The following CDADC1 variants were observed in gnomAD, a reference collection of about 807,000 sequenced individuals.
The protein encoded by CDADC1 is dCTP deaminase.
In CDADC1, 39 loss-of-function variants were observed where a neutral mutation model predicts 54.9. That is an observed-to-expected ratio of 0.71 (90% CI 0.55 to 0.93). The LOEUF is 0.93. Among genes scored for constraint, CDADC1 ranks in the 40% least tolerant of loss-of-function variants. The pLI, the probability that CDADC1 is intolerant of heterozygous loss-of-function variation, is 0.00. For missense variants in CDADC1, 518 were observed against 618.8 expected (o/e 0.84, Z 1.73); for synonymous variants, 186 against 204.0 (o/e 0.91, Z 0.75).
chr13:49,255,106 C>T (rs533539131), intron 2 of CDADC1, among the ~76,000 whole-genome samples: 1 of 152,188 alleles, frequency 6.6e-6, no homozygotes, highest in African/African-American at 2.4e-5. Flanking sequence ...AGACACTCTA[C>T]GGGAGGACCT....
intron 2 of CDADC1, among the ~76,000 whole-genome samples, chr13:49,253,776 G>T (rs183005172): frequency 1.3e-5 from 2 of 152,134 alleles, no homozygotes. Flanking sequence ...CTAACTCCTG[G>T]GCTCAAGCAG....
chr13:49,292,542 C>A lies in CDADC1; in HGVS notation c.*785C>A. 1 of 1,086,196 alleles carries A rather than the reference C, an allele frequency of 9.2e-7. No homozygotes were observed. Among genetic ancestry groups the A allele is most frequent in the Non-Finnish European group, 1.1e-6 (1 of 889,208 alleles). The allele number at this position is 1,086,196 out of a possible 1,614,324, so 67.3% of individuals were successfully genotyped here. A position where few individuals can be genotyped will look rare whatever the true frequency, so the allele number is the denominator to read the frequency against. Reference sequence around the variant, plus strand: ...GAATTCCATTAATAAATGCTGCTCCCCCATATAGTCTTCCCTTCTGTATAA... The same window carrying A: ...GAATTCCATTAATAAATGCTGCTCCACCATATAGTCTTCCCTTCTGTATAA... On this transcript the variant is annotated 3_prime_UTR_variant, in exon 10 of 10. Coordinates refer to ENST00000251108, the MANE Select transcript of CDADC1 (RefSeq NM_030911.4).
intron 5 of CDADC1, among the ~76,000 whole-genome samples, chr13:49,273,350 C>T (rs530659570): frequency 2.0e-5 from 3 of 152,140 alleles, no homozygotes; most frequent in Non-Finnish European, 2.9e-5. Flanking sequence ...TTATTTTCTA[C>T]GTGTAAATGT....
intron 5 of CDADC1, among the ~76,000 whole-genome samples, chr13:49,271,240 A>G (rs1359025759): frequency 7.5e-5 from 3 of 40,268 alleles, no homozygotes; most frequent in Non-Finnish European, 1.5e-4. Flanking sequence ...ACCCGAAGGT[A>G]GCAAAAAAGT....
rs1259838105 is a variant in CDADC1, at chr13:49,287,470, C to CA, written c.1471+1188_1471+1189insA. Among the ~76,000 whole-genome samples the CA allele has an allele frequency of 8.0e-4, 6 of 7,472 alleles. No individual in the cohort carries two copies. In the East Asian group the frequency reaches 0.14, roughly 178 times the overall value. 4.9% of individuals were successfully genotyped at this position (7,472 alleles called of 152,430 possible). On this transcript the variant is annotated intron_variant, in intron 9 of 9. Coordinates refer to ENST00000251108, the MANE Select transcript of CDADC1 (RefSeq NM_030911.4). ...AATTTATTAGCAAAAAAGGCTGTATCTATCTATCTATCTATCTATCTATCT... is the reference window on the plus strand; with the variant it reads ...AATTTATTAGCAAAAAAGGCTGTATCATATCTATCTATCTATCTATCTATCT...
At chr13:49,250,064 A>C (rs1036103590) in intron 2 of CDADC1, among the ~76,000 whole-genome samples, 25 of 152,264 alleles carry the variant, frequency 1.6e-4, no homozygotes, top group African/African-American at 6.0e-4. Context: ...GCTTCTCACC[A>C]CTCTAACAAC....
chr13:49,282,177 A>G (rs964613685), intron 8 of CDADC1, among the ~76,000 whole-genome samples: 2 of 151,928 alleles, frequency 1.3e-5, no homozygotes, highest in African/African-American at 4.8e-5. Context: ...AGTTCATGGA[A>G]AACACAAGAA....
At chr13:49,257,509 G>A (rs1449163480) in intron 3 of CDADC1, among the ~76,000 whole-genome samples, 5 of 152,124 alleles carry the variant, frequency 3.3e-5, no homozygotes, top group African/African-American at 9.7e-5. Context: ...GGTGGCTCAC[G>A]CCTGTAATCC....
chr13:49,255,933 C>CAT lies in CDADC1; in HGVS notation c.252+27_252+28dup. On this transcript the variant is annotated intron_variant, in intron 3 of 9. Coordinates refer to ENST00000251108, the MANE Select transcript of CDADC1 (RefSeq NM_030911.4). The stretch of plus-strand genomic sequence containing the variant: ...AGACAGGTAAATTTTTATGATTTCA[C>CAT]ATATATATGCTCATAATAACAAAGC... 5 of 1,604,298 alleles carry CAT rather than the reference C, an allele frequency of 3.1e-6. No individual in the cohort carries two copies. Among genetic ancestry groups the CAT allele is most frequent in the South Asian group, 1.1e-5 (1 of 88,576 alleles).
intron 7 of CDADC1, among the ~76,000 whole-genome samples, chr13:49,279,120 T>G (rs1953237811): frequency 1.3e-5 from 2 of 152,184 alleles, no homozygotes; most frequent in South Asian, 4.1e-4. Flanking sequence ...ACCTGTTAAT[T>G]TACATCATTT....
intron 4 of CDADC1, among the ~76,000 whole-genome samples, chr13:49,267,217 C>T (rs529515193): frequency 2.0e-5 from 3 of 152,160 alleles, no homozygotes; most frequent in African/African-American, 7.2e-5. Context: ...TCTGACAGTT[C>T]GATGTGTCAC....
At chr13:49,266,207 G>T (rs1311023316) in intron 4 of CDADC1, among the ~76,000 whole-genome samples, 1 of 152,098 alleles carries the variant, frequency 6.6e-6, no homozygotes, top group African/African-American at 2.4e-5. Flanking sequence ...ATTACATGCA[G>T]TACTAGCAAA....
At chr13:49,281,660 G>A (rs1457699572) in intron 8 of CDADC1, among the ~76,000 whole-genome samples, 1 of 152,150 alleles carries the variant, frequency 6.6e-6, no homozygotes, top group Non-Finnish European at 1.5e-5. Flanking sequence ...ACCAGTACTG[G>A]TTGCTGCCAA....
intron 3 of CDADC1, among the ~76,000 whole-genome samples, chr13:49,258,851 A>G (rs1419492185): frequency 1.3e-5 from 2 of 152,236 alleles, no homozygotes; most frequent in Admixed American, 6.5e-5. Context: ...GTCAATATCT[A>G]AAATATTTTA....
At chr13:49,266,086 T>C (rs1385011949) in intron 4 of CDADC1, 1 of 363,774 alleles carries the variant, frequency 2.7e-6, no homozygotes, top group Admixed American at 4.8e-5. Flanking sequence ...TTTATTTGTT[T>C]AACTGAGACT....
chr13:49,286,330 T>C lies in CDADC1; in HGVS notation c.1471+48T>C, dbSNP rs1422775113. The C allele has an allele frequency of 3.8e-6, 5 of 1,316,482 alleles. No individual in the cohort carries two copies. The African/African-American group carries it at 4.4e-5, about 11-fold the overall frequency. 81.6% of individuals were successfully genotyped at this position (1,316,482 alleles called of 1,614,324 possible). A position where few individuals can be genotyped will look rare whatever the true frequency, so the allele number is the denominator to read the frequency against. ...GAACTTTGTTGCTGAGGAGAAAGGA[T>C]ATACAGTGAATTTTAATGATCAGGT... is the stretch of plus-strand genomic sequence containing the variant. On this transcript the variant is annotated intron_variant, in intron 9 of 9. Transcript: ENST00000251108.
rs746937744 is a variant in CDADC1 at position 49,259,480 on chromosome 13, T to C, written c.387T>C (p.Phe129=). 4.3e-6 allele frequency: 7 copies of C among 1,614,092 alleles called. No homozygotes were observed. Among genetic ancestry groups the C allele is most frequent in the Non-Finnish European group, 5.1e-6 (6 of 1,180,004 alleles). The part of the protein sequence containing the change: ...GSRLKNCDLY[F]SRKPCSACLK... The stretch of plus-strand genomic sequence containing the variant: ...GGCTGAAAAACTGTGATCTTTATTT[T>C]TCCAGAAAACCATGTTCTGCTTGTT... The change falls in exon 4 of 10, where the codon TTT becomes TTC. Residue 129 remains phenylalanine, a synonymous_variant. Coordinates refer to ENST00000251108, the MANE Select transcript of CDADC1 (RefSeq NM_030911.4).
At chr13:49,287,164 C>CT (rs1180107241) in intron 9 of CDADC1, among the ~76,000 whole-genome samples, 1 of 152,202 alleles carries the variant, frequency 6.6e-6, no homozygotes, top group Non-Finnish European at 1.5e-5. Flanking sequence ...GCACTCCAGC[C>CT]TGGGCGACAG....
At chr13:49,253,899 G>A (rs1952487266) in intron 2 of CDADC1, among the ~76,000 whole-genome samples, 1 of 152,128 alleles carries the variant, frequency 6.6e-6, no homozygotes, top group Admixed American at 6.5e-5. Flanking sequence ...GGCCCTCACT[G>A]TACTTTTCCA....
Sources: gnomAD v4.1 joint callset for allele counts (sites outside exome capture counted in the v4.1 genomes callset) on GRCh38, gnomAD v4.1.1 for gene constraint, MANE v1.5 for transcripts, NCBI Gene and HGNC (gene_info 2026-07-23, HGNC 2026-07-21) for gene names.